Variants in TEX52 observed in about 807,000 individuals in gnomAD.
The protein encoded by TEX52 is testis expressed 52, also known as testis-expressed protein 52.
TEX52 carries 22 observed loss-of-function variants against 17.6 expected under a neutral mutation model. The observed-to-expected ratio is 1.25, with a 90% CI of 0.89 to 1.78. TEX52 has a LOEUF of 1.78. Among genes scored for constraint, TEX52 ranks in the 40% most tolerant of loss-of-function variants. The pLI is 0.00. For synonymous variants in TEX52, 168 were observed against 147.4 expected (o/e 1.14, Z -1.01); for missense variants, 396 against 372.3 (o/e 1.06, Z -0.52).
chr12:2,848,064 G>A (rs1010731170), downstream of TEX52, among the ~76,000 whole-genome samples: 3 of 152,170 alleles, frequency 2.0e-5, no homozygotes, highest in African/African-American at 4.8e-5. Context: ...CATTGTGCAG[G>A]TGAGGAACCT....
intron 2 of TEX52, among the ~76,000 whole-genome samples, chr12:2,854,416 A>G (rs1283917042): frequency 6.6e-6 from 1 of 152,164 alleles, no homozygotes; most frequent in African/African-American, 2.4e-5. Context: ...TCCCCCCTTC[A>G]TCGGTGAGGG....
chr12:2,849,981 C>A (rs142104001), intron 2 of TEX52, among the ~76,000 whole-genome samples: 2 of 152,266 alleles, frequency 1.3e-5, no homozygotes, highest in East Asian at 3.9e-4. Flanking sequence ...TGAATAGTGG[C>A]CAGTTTTCTA....
At position 2,849,258 on chromosome 12, in the gene TEX52, C is replaced by A. The variant is rs2098062287; in HGVS notation, c.891G>T (p.Lys297Asn). 1.3e-6 allele frequency: 2 copies of A among 1,536,022 alleles called. No homozygotes were observed. The highest frequency in any genetic ancestry group is 2.7e-5 in the African/African-American group (2 of 73,048). ...AGAAGTGTCCAGGTCTTCTCTTCCT[C>A]TTCCTTGCTGGGGATTTGCTTGCTT... ...KAQASKSPAR[K>N]RKRRPGHF Residue 297 changes from lysine to asparagine, a missense_variant, in exon 3 of 3, where the codon AAG (lysine) becomes AAT (asparagine). Physicochemically the swap from Lys to Asn is moderately conservative, Grantham distance 94 (BLOSUM62 0). Transcript: ENST00000637658.
chr12:2,855,259 C>T lies in TEX52; in HGVS notation c.260G>A (p.Gly87Asp). ...AAAGCCCCAGGTGTGCTGGGCGCCACCCTTCCAAGGGTGGATGAGCCGCTG... is the reference window on the plus strand; with the variant it reads ...AAAGCCCCAGGTGTGCTGGGCGCCATCCTTCCAAGGGTGGATGAGCCGCTG... ...VRQRLIHPWK[G>D]GAQHTWGFHT... Residue 87 changes from glycine to aspartate, a missense_variant, in exon 2 of 3, where the codon GGT (glycine) becomes GAT (aspartate). Physicochemically the swap from Gly to Asp is moderately conservative, Grantham distance 94. Coordinates refer to ENST00000637658, the MANE Select transcript of TEX52 (RefSeq NM_001365174.2). 1.3e-6 allele frequency: 2 copies of T among 1,511,822 alleles called. No homozygotes were observed. The highest frequency in any genetic ancestry group is 1.2e-5 in the South Asian group (1 of 82,178). 93.7% of individuals were successfully genotyped at this position (1,511,822 alleles called of 1,614,324 possible). A position where few individuals can be genotyped will look rare whatever the true frequency, so the allele number is the denominator to read the frequency against.
chr12:2,856,274 G>T (rs1179420000), intron 1 of TEX52, among the ~76,000 whole-genome samples: 1 of 152,182 alleles, frequency 6.6e-6, no homozygotes, highest in East Asian at 1.9e-4. Context: ...ATACCATGCT[G>T]GGTGAAATGA....
At position 2,849,237 on chromosome 12, in the gene TEX52, G is replaced by A. The variant is rs2098062176; in HGVS notation, c.912C>T (p.His304=). 6.5e-7 allele frequency: 1 copy of A among 1,535,636 alleles called. No homozygotes were observed. Among genetic ancestry groups the A allele is most frequent in the Non-Finnish European group, 8.7e-7 (1 of 1,146,746 alleles). The change falls in exon 3 of 3, where the codon CAC becomes CAT. Residue 304 remains histidine, a synonymous_variant. Transcript: ENST00000637658. ...PARKRKRRPG[H]F is the part of the protein sequence containing the mutation. ...GTCCCCTCTGGAAGCCCTTCTAGAA[G>A]TGTCCAGGTCTTCTCTTCCTCTTCC...
At chr12:2,856,065 C>T (rs2098086326) in intron 1 of TEX52, among the ~76,000 whole-genome samples, 1 of 152,154 alleles carries the variant, frequency 6.6e-6, no homozygotes, top group Non-Finnish European at 1.5e-5. Context: ...AAATAAACAG[C>T]AGCAAGTACA....
downstream of TEX52, chr12:2,849,027 G>A (rs2153928051): frequency 9.8e-6 from 6 of 609,218 alleles, no homozygotes; most frequent in South Asian, 1.3e-4. Context: ...CTCCAAGGAA[G>A]AAATATAACA....
chr12:2,852,522 A>G (rs1019912926), intron 2 of TEX52, among the ~76,000 whole-genome samples: 3 of 152,096 alleles, frequency 2.0e-5, no homozygotes, highest in Non-Finnish European at 4.4e-5. Context: ...ATGTGCCACC[A>G]TGCCTGGCTA....
rs2098062386 is a variant in TEX52, at chr12:2,849,278, T to C, written c.871A>G (p.Ser291Gly). ...PLHHLSKAQA[S>G]KSPARKRKRR... The stretch of plus-strand genomic sequence containing the variant: ...TTCCTCTTCCTTGCTGGGGATTTGC[T>C]TGCTTGTGCCTTGGAGAGATGGTGG... The change falls in exon 3 of 3, where the codon AGC becomes GGC. Residue 291 changes from serine (S) to glycine (G), a missense_variant. Transcript: ENST00000637658. 6.5e-7 allele frequency: 1 copy of C among 1,536,020 alleles called. No homozygotes were observed. Among genetic ancestry groups the C allele is most frequent in the South Asian group, 1.2e-5 (1 of 84,056 alleles).
intron 2 of TEX52, among the ~76,000 whole-genome samples, chr12:2,850,760 T>C (rs1290495298): frequency 6.6e-6 from 1 of 150,526 alleles, no homozygotes; most frequent in East Asian, 2.1e-4. Context: ...GCAACCTCCA[T>C]CTCCCAGGCT....
chr12:2,853,820 C>T (rs1423997700), intron 2 of TEX52, among the ~76,000 whole-genome samples: 5 of 152,130 alleles, frequency 3.3e-5, no homozygotes, highest in South Asian at 2.1e-4. Flanking sequence ...GGGTTCACAG[C>T]GGCTCCTCTC....
rs1369054667 is a variant in TEX52, at chr12:2,855,075, G to A, written c.444C>T (p.Asn148=). 6.5e-7 allele frequency: 1 copy of A among 1,536,082 alleles called. No homozygotes were observed. The highest frequency in any genetic ancestry group is 8.7e-7 in the Non-Finnish European group (1 of 1,146,896). Residue 148 remains asparagine (N), a synonymous_variant, in exon 2 of 3, where the codon AAC becomes AAT. Coordinates refer to ENST00000637658, the MANE Select transcript of TEX52 (RefSeq NM_001365174.2). ...PIPPPSWMGQ[N]SFLTFIHCYP... ...AACAGTGGATGAAGGTCAGGAAGCT[G>A]TTTTGCCCCATCCAGGAGGGAGGGG...
At chr12:2,854,858 G>T in intron 2 of TEX52, 38 bp downstream of exon 2, 1 of 1,503,622 alleles carries the variant, frequency 6.7e-7, no homozygotes, top group East Asian at 2.5e-5. Flanking sequence ...CCTGGGCAGG[G>T]CAGGCTGGGT....
chr12:2,850,950 G>A (rs2098068530), intron 2 of TEX52, among the ~76,000 whole-genome samples: 1 of 148,012 alleles, frequency 6.8e-6, no homozygotes, highest in Admixed American at 6.8e-5. Flanking sequence ...GAGATTACAA[G>A]CATGAGCCAA....
intron 1 of TEX52, among the ~76,000 whole-genome samples, chr12:2,855,944 A>G (rs183116423): frequency 1.3e-5 from 2 of 152,086 alleles, no homozygotes; most frequent in Admixed American, 1.3e-4. Flanking sequence ...GACTCCTCTC[A>G]ATACTCATTT....
intron 2 of TEX52, among the ~76,000 whole-genome samples, chr12:2,852,400 C>T (rs186914101): frequency 1.3e-5 from 2 of 152,224 alleles, no homozygotes; most frequent in East Asian, 3.9e-4. Flanking sequence ...AGGGTCTCAC[C>T]ACGTTGCCCA....
intron 1 of TEX52, among the ~76,000 whole-genome samples, chr12:2,855,911 G>C (rs567910511): frequency 6.6e-6 from 1 of 152,142 alleles, no homozygotes; most frequent in South Asian, 2.1e-4. Context: ...CCAGAAAATA[G>C]GGCCAGGGGT....
intron 1 of TEX52, among the ~76,000 whole-genome samples, 153 bp downstream of exon 1, chr12:2,856,802 T>C (rs2098088751): frequency 6.6e-6 from 1 of 152,190 alleles, no homozygotes. Flanking sequence ...GAGCTCTGGG[T>C]TCCTAGTGTC....
Sources: allele counts gnomAD v4.1 joint callset (sites outside exome capture counted in the v4.1 genomes callset), GRCh38; gene constraint gnomAD v4.1.1; transcripts MANE v1.5; gene names NCBI Gene and HGNC (gene_info 2026-07-23, HGNC 2026-07-21).